GABRP: variants seen among roughly 807,000 people sequenced by gnomAD.
GABRP encodes the protein gamma-aminobutyric acid type A receptor subunit pi.
In GABRP, 52 loss-of-function variants were observed where a neutral mutation model predicts 47.8. The ratio of observed to expected loss-of-function variants is 1.09; its 90% CI spans 0.87 to 1.37. The LOEUF is 1.37. Ranked by LOEUF, GABRP falls within the 40% of genes most tolerant of loss-of-function variation. The pLI is 0.00. For synonymous variants in GABRP, 221 were observed against 205.8 expected (o/e 1.07, Z -0.63); for missense variants, 525 against 542.8 (o/e 0.97, Z 0.33).
chr5:170,788,978 C>G (rs1342856845), intron 2 of GABRP, 151 bp from the exon 3 acceptor site: 1 of 697,756 alleles, frequency 1.4e-6, no homozygotes, highest in East Asian at 2.5e-5. Context: ...TAGCTGAAAA[C>G]TAAGAGATTT....
rs182487759 is a variant in GABRP at position 170,784,198 on chromosome 5, G to A, written c.-43+324G>A. 2.4e-4 allele frequency among the ~76,000 whole-genome samples: 37 copies of A among 152,278 alleles called. 1 individual carries two copies. The East Asian group carries it at 6.6e-3, about 27-fold the overall frequency. ...GCCTTTCCTCACCTTAACCTAATTCGGGCTCTACTCCTGCTTTCCAACAAA... is the reference window on the plus strand; with the variant it reads ...GCCTTTCCTCACCTTAACCTAATTCAGGCTCTACTCCTGCTTTCCAACAAA... On this transcript the variant is annotated intron_variant, in intron 1 of 9. Coordinates refer to ENST00000265294, the MANE Select transcript of GABRP (RefSeq NM_014211.3).
intron 8 of GABRP, among the ~76,000 whole-genome samples, chr5:170,809,364 T>C (rs184975165): frequency 2.6e-5 from 4 of 152,138 alleles, no homozygotes; most frequent in Admixed American, 2.6e-4. Context: ...ACGTGAAACA[T>C]TAAAAAAAAA....
intron 5 of GABRP, 122 bp downstream of exon 5, chr5:170,795,547 A>G (rs934659874): frequency 1.4e-6 from 1 of 734,342 alleles, no homozygotes; most frequent in African/African-American, 1.7e-5. Context: ...GGCTTCTTAG[A>G]TCCTTGCCCC....
Position 170,809,725 on chromosome 5 carries a change from T to C in GABRP, c.990T>C (p.Ser330=). The C allele has an allele frequency of 6.2e-7, 1 of 1,606,342 alleles. No individual in the cohort carries two copies. The highest frequency in any genetic ancestry group is 8.5e-7 in the Non-Finnish European group (1 of 1,176,246). The change falls in exon 9 of 10, where the codon AGT becomes AGC. Residue 330 remains serine, a synonymous_variant. Coordinates refer to ENST00000265294, the MANE Select transcript of GABRP (RefSeq NM_014211.3). ...ALLEYAVAHY[S]SLQQMAAKDR... is the part of the protein sequence containing the mutation. ...TAGAATATGCAGTTGCTCACTACAG[T>C]TCCTTACAGCAGATGGCAGCCAAAG...
intron 1 of GABRP, among the ~76,000 whole-genome samples, chr5:170,785,822 C>T (rs1405814165): frequency 6.6e-6 from 1 of 152,186 alleles, no homozygotes; most frequent in East Asian, 1.9e-4. Flanking sequence ...CAGCCAAGGG[C>T]TGGTGGGAAG....
intron 3 of GABRP, 53 bp from the exon 4 acceptor site, chr5:170,794,178 T>G: frequency 7.9e-7 from 1 of 1,268,654 alleles, no homozygotes; most frequent in African/African-American, 1.5e-5. Flanking sequence ...TAATATAGTA[T>G]TAAGACAGCT....
chr5:170,784,863 G>A (rs1191385040), intron 1 of GABRP, among the ~76,000 whole-genome samples: 6 of 152,160 alleles, frequency 3.9e-5, no homozygotes, highest in Admixed American at 2.0e-4. Flanking sequence ...AGATGCCCTC[G>A]GGGCAGGATA....
At chr5:170,811,485 T>A (rs990342890) in intron 9 of GABRP, among the ~76,000 whole-genome samples, 1 of 152,130 alleles carries the variant, frequency 6.6e-6, no homozygotes, top group Non-Finnish European at 1.5e-5. Flanking sequence ...TGGAACAGAA[T>A]TGAAGTCATC....
intron 6 of GABRP, among the ~76,000 whole-genome samples, chr5:170,798,781 CA>C (rs141467382): frequency 0.044 from 6,629 of 150,934 alleles, 456 homozygotes; most frequent in African/African-American, 0.16. Context: ...TTTCTTTTTT[CA>C]TTTTTTTTGT....
chr5:170,787,142 T>C lies in GABRP; in HGVS notation c.-42-1432T>C, dbSNP rs530739921. 2.6e-5 allele frequency among the ~76,000 whole-genome samples: 4 copies of C among 152,344 alleles called. No homozygotes were observed. In the South Asian group the frequency reaches 8.3e-4, roughly 32 times the overall value. The stretch of plus-strand genomic sequence containing the variant: ...TTGATGAATCCATATTGACACATCA[T>C]TGGGACTTATACTTTTAACTTCTGA... On this transcript the variant is annotated intron_variant, in intron 1 of 9. Transcript: ENST00000265294.
At chr5:170,810,452 T>A (rs1162272351) in intron 9 of GABRP, among the ~76,000 whole-genome samples, 1 of 152,096 alleles carries the variant, frequency 6.6e-6, no homozygotes, top group Non-Finnish European at 1.5e-5. Flanking sequence ...CCGCAGGGGA[T>A]ATAGATACTA....
chr5:170,800,403 A>G (rs531265306), intron 6 of GABRP, among the ~76,000 whole-genome samples: 120 of 152,344 alleles, frequency 7.9e-4, no homozygotes, highest in African/African-American at 2.7e-3. Context: ...AAGAAAACCT[A>G]AGCAATACCA....
chr5:170,810,695 A>G (rs1433328780), intron 9 of GABRP, among the ~76,000 whole-genome samples: 1 of 152,216 alleles, frequency 6.6e-6, no homozygotes, highest in African/African-American at 2.4e-5. Flanking sequence ...GCCCACCTTG[A>G]GCAAAGTGCT....
intron 7 of GABRP, among the ~76,000 whole-genome samples, chr5:170,806,315 G>C (rs939283667): frequency 1.3e-5 from 2 of 152,188 alleles, no homozygotes; most frequent in Middle Eastern, 6.8e-3. Flanking sequence ...CTTGGTCTTT[G>C]GCGATTTTAC....
intron 6 of GABRP, among the ~76,000 whole-genome samples, chr5:170,803,098 C>T (rs1456206623): frequency 2.0e-5 from 3 of 151,668 alleles, no homozygotes; most frequent in Non-Finnish European, 4.4e-5. Context: ...GGATGGTAGC[C>T]GTATTTAGAC....
chr5:170,785,667 A>G (rs958473252), intron 1 of GABRP, among the ~76,000 whole-genome samples: 1 of 152,204 alleles, frequency 6.6e-6, no homozygotes, highest in African/African-American at 2.4e-5. Context: ...GGAAAGCACT[A>G]TTCAAGAGGA....
chr5:170,804,623 T>G (rs1765681022), intron 6 of GABRP, among the ~76,000 whole-genome samples: 3 of 152,174 alleles, frequency 2.0e-5, no homozygotes, highest in Non-Finnish European at 4.4e-5. Context: ...AGTATCTTTT[T>G]GTTTGCTTAT....
At chr5:170,783,323 A>G (rs1003760725), upstream of GABRP, among the ~76,000 whole-genome samples, 2 of 152,200 alleles carry the variant, frequency 1.3e-5, no homozygotes, top group Admixed American at 6.5e-5. Flanking sequence ...GGAGTTTTAC[A>G]CACAGTCAGC....
intron 9 of GABRP, 160 bp downstream of exon 9, chr5:170,809,915 G>C (rs1364314705): frequency 1.4e-6 from 1 of 727,196 alleles, no homozygotes; most frequent in East Asian, 2.7e-5. Flanking sequence ...TGGAAGTCAT[G>C]GTGCCCCTTG....
Sources: allele counts gnomAD v4.1 joint callset (sites outside exome capture counted in the v4.1 genomes callset), GRCh38; gene constraint gnomAD v4.1.1; transcripts MANE v1.5; gene names NCBI Gene and HGNC (gene_info 2026-07-23, HGNC 2026-07-21).